SIK3: variants seen among roughly 807,000 people sequenced by gnomAD.
SIK3 encodes the protein SIK family kinase 3.
Under a neutral mutation model 144.2 loss-of-function variants are expected in SIK3, and 28 were observed. The observed-to-expected ratio is 0.19, with a 90% CI of 0.14 to 0.27. The LOEUF is 0.27. Among genes scored for constraint, SIK3 ranks in the 10% least tolerant of loss-of-function variants. SIK3 has a pLI of 1.00. For synonymous variants in SIK3, 686 were observed against 676.3 expected, an observed-to-expected ratio of 1.01 and a Z score of -0.22; for missense variants, 1,319 against 1,776.0, an observed-to-expected ratio of 0.74 and a Z score of 4.62.
At chr11:116,939,504 G>A (rs767197473) in intron 3 of SIK3, among the ~76,000 whole-genome samples, 13 of 152,184 alleles carry the variant, frequency 8.5e-5, no homozygotes, top group Admixed American at 2.6e-4. Context: ...AAAACATTAC[G>A]TAAAAGACTG....
chr11:117,095,344 T>C (rs1955429290), intron 1 of SIK3, among the ~76,000 whole-genome samples: 1 of 152,042 alleles, frequency 6.6e-6, no homozygotes, highest in African/African-American at 2.4e-5. Flanking sequence ...ACCCAGACCA[T>C]TTCCTACAAG....
At chr11:116,878,761 T>C (rs529651199) in intron 6 of SIK3, among the ~76,000 whole-genome samples, 2 of 152,324 alleles carry the variant, frequency 1.3e-5, no homozygotes, top group Admixed American at 1.3e-4. Context: ...TCTCATCCAA[T>C]GGCCTTTACA....
intron 3 of SIK3, among the ~76,000 whole-genome samples, chr11:116,938,221 AGG>A (rs1948029923): frequency 2.0e-4 from 1 of 4,934 alleles, no homozygotes; most frequent in Non-Finnish European, 4.4e-4. Context: ...AGGGGAGGGG[AGG>A]GGAGGGGAGG....
chr11:116,965,620 T>A (rs1396134228), intron 1 of SIK3, among the ~76,000 whole-genome samples: 1 of 122,640 alleles, frequency 8.2e-6, no homozygotes, highest in Non-Finnish European at 1.7e-5. Flanking sequence ...AGAGGCCAGG[T>A]GCAGGGCTCA....
At chr11:117,032,055 A>G (rs1427035680) in intron 1 of SIK3, among the ~76,000 whole-genome samples, 1 of 152,158 alleles carries the variant, frequency 6.6e-6, no homozygotes, top group Non-Finnish European at 1.5e-5. Flanking sequence ...CCTTCTACCA[A>G]TATTACACAA....
intron 12 of SIK3, 108 bp downstream of exon 12, chr11:116,873,795 C>A: frequency 6.7e-7 from 1 of 1,485,364 alleles, no homozygotes; most frequent in Non-Finnish European, 9.0e-7. Context: ...GATAAATCAT[C>A]TTTCTCTATA....
chr11:117,000,393 A>T (rs562512945), intron 1 of SIK3, among the ~76,000 whole-genome samples: 22 of 152,202 alleles, frequency 1.4e-4, no homozygotes, highest in African/African-American at 2.4e-4. Flanking sequence ...AGATCAAGCC[A>T]CTTGGGATTT....
intron 4 of SIK3, among the ~76,000 whole-genome samples, chr11:116,922,885 C>G (rs1036732828): frequency 2.8e-5 from 4 of 143,844 alleles, no homozygotes; most frequent in African/African-American, 2.5e-5. Flanking sequence ...CTGCTTACGA[C>G]TAATTTCTCC....
chr11:117,045,274 C>G (rs1952909667), intron 1 of SIK3, among the ~76,000 whole-genome samples: 2 of 152,164 alleles, frequency 1.3e-5, no homozygotes, highest in South Asian at 4.1e-4. Flanking sequence ...TGGCTTCTCC[C>G]CTCTCTGGCC....
intron 1 of SIK3, among the ~76,000 whole-genome samples, chr11:116,958,253 A>G (rs893886775): frequency 3.9e-5 from 6 of 152,248 alleles, no homozygotes; most frequent in African/African-American, 1.4e-4. Context: ...TCAGAGAAAT[A>G]AAGACTGTTT....
At chr11:116,886,016 T>C (rs1026348417) in intron 6 of SIK3, among the ~76,000 whole-genome samples, 1 of 152,258 alleles carries the variant, frequency 6.6e-6, no homozygotes, top group African/African-American at 2.4e-5. Flanking sequence ...TCCTTCCACT[T>C]GGAATGTCCT....
At chr11:117,070,739 C>T (rs1278368212) in intron 1 of SIK3, among the ~76,000 whole-genome samples, 1 of 148,432 alleles carries the variant, frequency 6.7e-6, no homozygotes, top group Non-Finnish European at 1.5e-5. Flanking sequence ...AGCCACTGCG[C>T]CCGGCCCTTT....
At chr11:116,902,956 C>T (rs914929546) in intron 4 of SIK3, among the ~76,000 whole-genome samples, 4 of 152,174 alleles carry the variant, frequency 2.6e-5, no homozygotes, top group East Asian at 1.9e-4. Flanking sequence ...GAAAGCATAT[C>T]GCTGTCTTCT....
chr11:117,052,368 G>T (rs1202798397), intron 1 of SIK3, among the ~76,000 whole-genome samples: 2 of 152,176 alleles, frequency 1.3e-5, no homozygotes, highest in East Asian at 3.8e-4. Flanking sequence ...AGAAAGACCA[G>T]TTACTATTGC....
chr11:116,998,773 G>C (rs1565541030), intron 1 of SIK3, among the ~76,000 whole-genome samples: 2 of 152,102 alleles, frequency 1.3e-5, no homozygotes, highest in Non-Finnish European at 1.5e-5. Context: ...ACAACTCTAA[G>C]AGCACTGAAA....
chr11:117,007,301 C>G (rs1206116023), intron 1 of SIK3, among the ~76,000 whole-genome samples: 1 of 152,150 alleles, frequency 6.6e-6, no homozygotes, highest in Non-Finnish European at 1.5e-5. Flanking sequence ...TCGCTTGAAC[C>G]TGGGAGGCAG....
rs752910802 is a variant in SIK3, at chr11:116,859,372, A to G, written c.2658T>C (p.Ser886=). The G allele has an allele frequency of 2.5e-6, 4 of 1,614,198 alleles. No individual in the cohort carries two copies. The South Asian group carries it at 4.4e-5, about 18-fold the overall frequency. The change falls in exon 20 of 25, where the codon AGT becomes AGC. Residue 886 remains serine (S), a synonymous_variant. Coordinates refer to ENST00000445177, the MANE Select transcript of SIK3 (RefSeq NM_001366686.3). ...GGTGCTGCATCTGCATCTGACCAGC[A>G]CTGGGGCTGATGGAGATGCCGCGCC... ...SSGRGISISP[S]AGQMQMQHRT...
intron 1 of SIK3, among the ~76,000 whole-genome samples, chr11:117,058,908 G>A (rs137925862): frequency 0.013 from 1,962 of 152,302 alleles, 19 homozygotes; most frequent in Non-Finnish European, 0.02. Flanking sequence ...ATGTGGGAAA[G>A]AAGAACAAAG....
chr11:117,060,546 G>A (rs1006680517), intron 1 of SIK3, among the ~76,000 whole-genome samples: 19 of 148,674 alleles, frequency 1.3e-4, no homozygotes, highest in African/African-American at 3.2e-4. Flanking sequence ...GCAGTGAGCC[G>A]AGAGCATGCC....
Sources: gnomAD v4.1 joint callset for allele counts (sites outside exome capture counted in the v4.1 genomes callset) on GRCh38, gnomAD v4.1.1 for gene constraint, MANE v1.5 for transcripts, NCBI Gene and HGNC (gene_info 2026-07-23, HGNC 2026-07-21) for gene names.